The following PPP2R2A variants were observed in gnomAD, a reference collection of about 807,000 sequenced individuals.
The protein encoded by PPP2R2A is serine/threonine-protein phosphatase 2A 55 kDa regulatory subunit B alpha isoform.
In PPP2R2A, 9 loss-of-function variants were observed where a neutral mutation model predicts 53.2. That is an observed-to-expected ratio of 0.17 (90% CI 0.10 to 0.30). The LOEUF is 0.30. PPP2R2A is among the 10% of genes least tolerant of loss of function. The pLI is 1.00. For synonymous variants in PPP2R2A, 169 were observed against 174.2 expected (o/e 0.97, Z 0.23); for missense variants, 235 against 534.6 (o/e 0.44, Z 5.53).
chr8:26,369,799 T>C (rs966967379), intron 9 of PPP2R2A, among the ~76,000 whole-genome samples: 1 of 152,222 alleles, frequency 6.6e-6, no homozygotes, highest in African/African-American at 2.4e-5. Flanking sequence ...AGATAGTTGC[T>C]CCTTTGAGAA....
chr8:26,358,776 G>A (rs1804924297), intron 4 of PPP2R2A: 1 of 343,826 alleles, frequency 2.9e-6, no homozygotes, highest in Admixed American at 3.0e-5. Context: ...ACATGCATGA[G>A]CCTATAGTGA....
In PPP2R2A at chr8:26,362,904, A is replaced by T. The variant is rs1805183963; in HGVS notation, c.802+56A>T. On this transcript the variant is annotated intron_variant, in intron 7 of 9. Transcript: ENST00000380737. This position sits in a 1 kb window ranked among gnomAD's most constrained non-coding sequence, Gnocchi z 4.4. Reference sequence around the variant, plus strand: ...TTACATATTCTGTTTGTCTGAAATAAGCCTCAGACATGATAAGTACAATTA... The same window carrying T: ...TTACATATTCTGTTTGTCTGAAATATGCCTCAGACATGATAAGTACAATTA... 6.6e-7 allele frequency: 1 copy of T among 1,504,330 alleles called. No homozygotes were observed. The highest frequency in any genetic ancestry group is 1.4e-5 in the African/African-American group (1 of 72,764). The allele number at this position is 1,504,330 out of a possible 1,614,324, so 93.2% of individuals were successfully genotyped here.
chr8:26,328,646 A>ATTTAAAATGT lies in PPP2R2A; in HGVS notation c.83-10241_83-10240insAAAATGTTTT, dbSNP rs1585362738. On this transcript the variant is annotated intron_variant, in intron 2 of 9. Coordinates refer to ENST00000380737, the MANE Select transcript of PPP2R2A (RefSeq NM_002717.4). ...AACAGGATCAAATGTACTTTGTAAC[A>ATTTAAAATGT]TTTTAAAAACTCGGTGATACATCGT... 2.0e-5 allele frequency among the ~76,000 whole-genome samples: 3 copies of ATTTAAAATGT among 152,176 alleles called. No homozygotes were observed. The East Asian group carries it at 5.8e-4, about 29-fold the overall frequency.
chr8:26,369,864 A>G (rs2117438484), intron 9 of PPP2R2A, among the ~76,000 whole-genome samples: 1 of 152,306 alleles, frequency 6.6e-6, no homozygotes, highest in Middle Eastern at 3.4e-3. Context: ...CTTAACAACG[A>G]TAATTCTGCA....
intron 8 of PPP2R2A, chr8:26,366,058 G>T: frequency 2.8e-6 from 1 of 357,554 alleles, no homozygotes; most frequent in Non-Finnish European, 5.0e-6. Context: ...GTTTTATTCA[G>T]GCTTATAAAG....
intron 4 of PPP2R2A, among the ~76,000 whole-genome samples, chr8:26,356,925 G>A (rs772351427): frequency 6.6e-6 from 1 of 152,102 alleles, no homozygotes; most frequent in African/African-American, 2.4e-5. Context: ...CGATTACAAC[G>A]TCTATGGATT....
chr8:26,338,870 G>C lies in PPP2R2A; in HGVS notation c.83-20G>C. On this transcript the variant is annotated intron_variant, in intron 2 of 9. Transcript: ENST00000380737. The surrounding 1 kb of genome is among the most constrained non-coding windows in gnomAD (Gnocchi z 4.5). ...GAAAGAAAAACTAATATCTTTTTTT[G>C]TTTTGTCTCAATTATACAGCAGATA... 1.3e-6 allele frequency: 2 copies of C among 1,498,554 alleles called. No individual in the cohort carries two copies. The highest frequency in any genetic ancestry group is 1.8e-6 in the Non-Finnish European group (2 of 1,090,390). The allele number at this position is 1,498,554 out of a possible 1,614,324, so 92.8% of individuals were successfully genotyped here.
At position 26,291,727 on chromosome 8, in the gene PPP2R2A, G is replaced by A; in HGVS notation, c.-93G>A. ...CCGCAGGTGCCATCCGCCGCCATCC[G>A]CCCTCTCTACCCCCCCATCCCCAGG... On this transcript the variant is annotated 5_prime_UTR_variant, in exon 1 of 10. Coordinates refer to ENST00000380737, the MANE Select transcript of PPP2R2A (RefSeq NM_002717.4). 5.4e-6 allele frequency: 3 copies of A among 550,906 alleles called. No homozygotes were observed. The highest frequency in any genetic ancestry group is 8.0e-6 in the Non-Finnish European group (3 of 376,078). The allele number at this position is 550,906 out of a possible 1,614,324, so 34.1% of individuals were successfully genotyped here.
At chr8:26,320,748 A>T (rs150796568) in intron 2 of PPP2R2A, among the ~76,000 whole-genome samples, 10 of 152,208 alleles carry the variant, frequency 6.6e-5, no homozygotes, top group African/African-American at 1.7e-4. Context: ...TATTATTATT[A>T]TTTTTTTAAA....
chr8:26,295,626 T>C (rs562254622), intron 2 of PPP2R2A, among the ~76,000 whole-genome samples: 2 of 152,336 alleles, frequency 1.3e-5, no homozygotes, highest in East Asian at 3.9e-4. Context: ...ATAATTTTCT[T>C]TAGAGGTTGT....
chr8:26,345,948 T>C (rs959151774), intron 3 of PPP2R2A, among the ~76,000 whole-genome samples: 6 of 152,120 alleles, frequency 3.9e-5, no homozygotes, highest in Non-Finnish European at 7.4e-5. Flanking sequence ...GTTGATTGGC[T>C]GCCTTTAAAT....
intron 2 of PPP2R2A, among the ~76,000 whole-genome samples, chr8:26,332,066 C>CTTA (rs1267985476): frequency 6.6e-6 from 1 of 152,064 alleles, no homozygotes; most frequent in Non-Finnish European, 1.5e-5. Flanking sequence ...GTTAAAAATA[C>CTTA]TTAAACAGGC....
In PPP2R2A at chr8:26,360,068, G is replaced by A. The variant is rs1383612624; in HGVS notation, c.347-101G>A. On this transcript the variant is annotated intron_variant, in intron 4 of 9. Coordinates refer to ENST00000380737, the MANE Select transcript of PPP2R2A (RefSeq NM_002717.4). The surrounding 1 kb of genome is among the most constrained non-coding windows in gnomAD (Gnocchi z 4.5). ...TCAGATTAGGGTTTTTTTTTTTTTCGTGGAATCCTTTTACGTGAAATGTGA... is the reference window on the plus strand; with the variant it reads ...TCAGATTAGGGTTTTTTTTTTTTTCATGGAATCCTTTTACGTGAAATGTGA... 1.5e-5 allele frequency: 7 copies of A among 482,248 alleles called. No individual in the cohort carries two copies. Among genetic ancestry groups the A allele is most frequent in the Admixed American group, 7.6e-5 (2 of 26,210 alleles). The allele number at this position is 482,248 out of a possible 1,614,324, so 29.9% of individuals were successfully genotyped here.
chr8:26,333,068 T>A (rs1434408234), intron 2 of PPP2R2A, among the ~76,000 whole-genome samples: 1 of 152,232 alleles, frequency 6.6e-6, no homozygotes, highest in Non-Finnish European at 1.5e-5. Flanking sequence ...CTTAGCACAA[T>A]GTTTGGCACA....
chr8:26,355,599 T>G (rs1804736424), intron 4 of PPP2R2A, among the ~76,000 whole-genome samples: 1 of 152,094 alleles, frequency 6.6e-6, no homozygotes, highest in African/African-American at 2.4e-5. Context: ...GCGTGGTGGC[T>G]CACGCCTGTA....
intron 3 of PPP2R2A, among the ~76,000 whole-genome samples, chr8:26,352,578 T>C (rs1317143295): frequency 6.6e-6 from 1 of 152,230 alleles, no homozygotes; most frequent in Non-Finnish European, 1.5e-5. Context: ...TTGAGCTTTT[T>C]AGACAGAATT....
At position 26,331,019 on chromosome 8, in the gene PPP2R2A, AC is replaced by A. The variant is rs201841396; in HGVS notation, c.83-7868del. Among the ~76,000 whole-genome samples the A allele has an allele frequency of 4.6e-5, 7 of 152,028 alleles. No homozygotes were observed. In the East Asian group the frequency reaches 1.4e-3, roughly 29 times the overall value. On this transcript the variant is annotated intron_variant, in intron 2 of 9. Coordinates refer to ENST00000380737, the MANE Select transcript of PPP2R2A (RefSeq NM_002717.4). The stretch of plus-strand genomic sequence containing the variant: ...GATTTCTCTTCTCTGGCTGGTGGGG[AC>A]CCTAATTTTTCAGAGCCTCATGTCA...
intron 2 of PPP2R2A, among the ~76,000 whole-genome samples, chr8:26,295,989 T>TACATTTTGATTGTCTCCATATTGCCTG (rs1225453862): frequency 2.0e-5 from 3 of 152,200 alleles, no homozygotes; most frequent in Non-Finnish European, 4.4e-5. Context: ...CTGTTAATGA[T>TACATTTTGATTGTCTCCATATTGCCTG]ACATTTTGAT....
chr8:26,333,512 A>G (rs1249413964), intron 2 of PPP2R2A: 2 of 1,230,456 alleles, frequency 1.6e-6, no homozygotes, highest in Admixed American at 2.3e-5. Context: ...ATAGTCCTCA[A>G]GTGGAATTAT....
Sources: gnomAD v4.1 joint callset for allele counts (sites outside exome capture counted in the v4.1 genomes callset) on GRCh38, gnomAD v4.1.1 for gene constraint, Gnocchi (gnomAD v3.1) non-coding constraint, MANE v1.5 for transcripts, NCBI Gene and HGNC (gene_info 2026-07-23, HGNC 2026-07-21) for gene names.